The following DPP6 variants were observed in gnomAD, a reference collection of about 807,000 sequenced individuals.
DPP6 encodes dipeptidyl peptidase like 6.
In DPP6, 69 loss-of-function variants were observed where a neutral mutation model predicts 122.6. The ratio of observed to expected loss-of-function variants is 0.56; its 90% CI spans 0.46 to 0.69. The LOEUF (loss-of-function observed/expected upper bound fraction) is 0.69. Among genes scored for constraint, DPP6 ranks in the 30% least tolerant of loss-of-function variants. The pLI is 0.00. For missense variants in DPP6, 928 were observed against 1,116.9 expected, an observed-to-expected ratio of 0.83 and a Z score of 2.41; for synonymous variants, 418 against 433.1, an observed-to-expected ratio of 0.97 and a Z score of 0.43.
chr7:154,046,779 C>G (rs1800036541), intron 1 of DPP6, among the ~76,000 whole-genome samples: 2 of 152,204 alleles, frequency 1.3e-5, no homozygotes, highest in African/African-American at 2.4e-5. Context: ...GGCCGACAAG[C>G]CTTCTCTTTC....
At chr7:154,462,091 T>A (rs1821349110) in intron 2 of DPP6, among the ~76,000 whole-genome samples, 1 of 152,192 alleles carries the variant, frequency 6.6e-6, no homozygotes, top group Non-Finnish European at 1.5e-5. Flanking sequence ...ATATCCAGTT[T>A]TCCCTTCAAC....
chr7:153,790,480 G>A, the DPP6 span, among the ~76,000 whole-genome samples: 2 of 152,070 alleles, frequency 1.3e-5, no homozygotes, highest in African/African-American at 4.8e-5. Context: ...AGTTTCCTGT[G>A]GCTCCATTAG....
At chr7:154,062,264 C>A in intron 1 of DPP6, among the ~76,000 whole-genome samples, 1 of 76,804 alleles carries the variant, frequency 1.3e-5, no homozygotes, top group East Asian at 3.6e-4. Context: ...AGGTACCTTA[C>A]GTGGGATTAC....
At chr7:154,060,121 T>G (rs1171791848) in intron 1 of DPP6, among the ~76,000 whole-genome samples, 1 of 138,894 alleles carries the variant, frequency 7.2e-6, no homozygotes, top group South Asian at 2.4e-4. Context: ...GAGGCGGGAC[T>G]GCAAACCTCC....
At chr7:154,560,136 G>A (rs1481300925) in intron 4 of DPP6, among the ~76,000 whole-genome samples, 1 of 151,948 alleles carries the variant, frequency 6.6e-6, no homozygotes. Context: ...AGAAGGAGGT[G>A]TGCCAGGAAT....
chr7:154,480,594 G>A (rs1327022366), intron 3 of DPP6, among the ~76,000 whole-genome samples: 2 of 152,148 alleles, frequency 1.3e-5, no homozygotes, highest in Non-Finnish European at 2.9e-5. Flanking sequence ...GCAAGACTCA[G>A]GACTTGTTCC....
chr7:154,175,564 A>C (rs1021110704), intron 1 of DPP6, among the ~76,000 whole-genome samples: 1 of 152,078 alleles, frequency 6.6e-6, no homozygotes, highest in Non-Finnish European at 1.5e-5. Flanking sequence ...CAGCCACTCT[A>C]TGCTGGACCT....
At position 154,736,234 on chromosome 7, in the gene DPP6, G is replaced by A. The variant is rs190778530; in HGVS notation, c.883+8347G>A. Reference sequence around the variant, plus strand: ...AGGTAGTGTTGGAGCTGAAATGGACGTTAGCAGACATTGAGTCCAGCAGTC... The same window carrying A: ...AGGTAGTGTTGGAGCTGAAATGGACATTAGCAGACATTGAGTCCAGCAGTC... On this transcript the variant is annotated intron_variant, in intron 8 of 25. Transcript: ENST00000377770. 2.9e-4 allele frequency among the ~76,000 whole-genome samples: 44 copies of A among 152,304 alleles called. 1 individual carries two copies. In the South Asian group the frequency reaches 5.6e-3, roughly 19 times the overall value.
chr7:154,783,474 G>A (rs183597800), intron 10 of DPP6, among the ~76,000 whole-genome samples: 3 of 152,274 alleles, frequency 2.0e-5, no homozygotes, highest in Non-Finnish European at 2.9e-5. Flanking sequence ...GGTCAGTGGC[G>A]TGTGGCATTA....
At chr7:154,865,754 A>G (rs1346410949) in intron 17 of DPP6, among the ~76,000 whole-genome samples, 1 of 152,140 alleles carries the variant, frequency 6.6e-6, no homozygotes, top group Non-Finnish European at 1.5e-5. Context: ...CAGCTTCCTG[A>G]GACACTCAGG....
At chr7:153,796,550 G>A in the DPP6 span, among the ~76,000 whole-genome samples, 1 of 152,040 alleles carries the variant, frequency 6.6e-6, no homozygotes, top group Non-Finnish European at 1.5e-5. Context: ...TTGAGTGATA[G>A]GAGTGTTTTT....
chr7:154,203,058 G>C (rs1246869241), intron 1 of DPP6, among the ~76,000 whole-genome samples: 1 of 152,152 alleles, frequency 6.6e-6, no homozygotes, highest in Non-Finnish European at 1.5e-5. Flanking sequence ...TTACTAGGTG[G>C]TGACCTTGAA....
At chr7:154,587,704 T>A in intron 5 of DPP6, 1 of 1,552,236 alleles carries the variant, frequency 6.4e-7, no homozygotes, top group Non-Finnish European at 8.7e-7. Flanking sequence ...ATCATGTGAC[T>A]CATTAGCAGT....
chr7:154,667,910 AC>A (rs1455723367), intron 6 of DPP6, among the ~76,000 whole-genome samples: 11 of 151,858 alleles, frequency 7.2e-5, no homozygotes, highest in Non-Finnish European at 1.5e-4. Flanking sequence ...CCAAACCCAG[AC>A]ACTTCATCTA....
intron 2 of DPP6, among the ~76,000 whole-genome samples, chr7:154,466,805 C>T (rs1821825519): frequency 6.6e-6 from 1 of 152,204 alleles, no homozygotes; most frequent in Non-Finnish European, 1.5e-5. Flanking sequence ...TCACATCCTT[C>T]TCATATATAA....
chr7:154,459,788 A>G (rs998966552), intron 2 of DPP6, among the ~76,000 whole-genome samples: 1 of 141,628 alleles, frequency 7.1e-6, no homozygotes, highest in Admixed American at 7.0e-5. Flanking sequence ...CCTGGGTGAC[A>G]GAGTGAGATT....
At chr7:154,252,157 G>A (rs1346432057) in intron 1 of DPP6, among the ~76,000 whole-genome samples, 1 of 152,158 alleles carries the variant, frequency 6.6e-6, no homozygotes, top group Non-Finnish European at 1.5e-5. Context: ...TTCTATAACA[G>A]GGTGAGCACA....
chr7:154,064,295 C>T (rs1401124233), intron 1 of DPP6, among the ~76,000 whole-genome samples: 1 of 152,192 alleles, frequency 6.6e-6, no homozygotes, highest in Non-Finnish European at 1.5e-5. Context: ...TTCCCTGCTA[C>T]ACTCTTCTGT....
intron 1 of DPP6, among the ~76,000 whole-genome samples, chr7:154,334,811 G>T (rs555497214): frequency 1.3e-5 from 2 of 152,130 alleles, no homozygotes; most frequent in African/African-American, 4.8e-5. Context: ...TGGGCGAATC[G>T]CTTGAAGCTG....
Sources: gnomAD v4.1 joint callset for allele counts (sites outside exome capture counted in the v4.1 genomes callset) on GRCh38, gnomAD v4.1.1 for gene constraint, MANE v1.5 for transcripts, NCBI Gene and HGNC (gene_info 2026-07-23, HGNC 2026-07-21) for gene names.